DYNC2H1: variants seen among roughly 807,000 people sequenced by gnomAD.
DYNC2H1 encodes dynein cytoplasmic 2 heavy chain 1.
A neutral mutation model predicts 570.0 loss-of-function variants in DYNC2H1; 410 were observed. The ratio of observed to expected loss-of-function variants is 0.72; its 90% confidence interval spans 0.66 to 0.78. The LOEUF (loss-of-function observed/expected upper bound fraction) is 0.78, where lower values mean the gene tolerates loss of function less well. Ranked by LOEUF, DYNC2H1 falls within the 30% of genes least tolerant of loss-of-function variation. DYNC2H1 has a pLI of 0.00. For synonymous variants in DYNC2H1, 1,688 were observed against 1,677.6 expected (o/e 1.01, Z -0.15); for missense variants, 4,865 against 5,046.4 (o/e 0.96, Z 1.09).
chr11:103,314,007 A>G (rs3847578), intron 79 of DYNC2H1, among the ~76,000 whole-genome samples: 25,208 of 152,078 alleles, frequency 0.17, 2,277 homozygotes, highest in Admixed American at 0.25. Context: ...ATCCTGAAGG[A>G]TAGATGAACA....
At chr11:103,224,377 A>C (rs1287714019) in intron 59 of DYNC2H1, among the ~76,000 whole-genome samples, 1 of 148,126 alleles carries the variant, frequency 6.8e-6, no homozygotes, top group African/African-American at 2.5e-5. Context: ...CACTATACCC[A>C]ATGTGTAGTC....
intron 78 of DYNC2H1, among the ~76,000 whole-genome samples, chr11:103,310,526 G>C (rs536243779): frequency 1.3e-5 from 2 of 151,812 alleles, no homozygotes; most frequent in East Asian, 3.9e-4. Flanking sequence ...TGGTTGTTTG[G>C]TTTCCTATTA....
chr11:103,220,131 A>G, intron 56 of DYNC2H1, 103 bp downstream of exon 56: 1 of 622,154 alleles, frequency 1.6e-6, no homozygotes, highest in South Asian at 3.4e-5. Flanking sequence ...TCATAGTATT[A>G]TAAAATGTGG....
rs1412189681 is a variant in DYNC2H1 at position 103,249,081 on chromosome 11, C to T, written c.10042+3707C>T. On this transcript the variant is annotated intron_variant, in intron 65 of 88. Transcript: ENST00000375735. This position sits in a 1 kb window ranked among gnomAD's most constrained non-coding sequence, Gnocchi z 4.6. ...AAAGTAGTCAAAATTAACTGCATCA[C>T]AGGTTAATTCCAATGTAAATTAAGA... 1.3e-5 allele frequency among the ~76,000 whole-genome samples: 2 copies of T among 151,972 alleles called. No individual in the cohort carries two copies. Among genetic ancestry groups the T allele is most frequent in the African/African-American group, 2.4e-5 (1 of 41,410 alleles).
Position 103,244,894 on chromosome 11 carries a change from C to T in DYNC2H1, c.9919-357C>T, listed in dbSNP as rs1399841258. Among the ~76,000 whole-genome samples the T allele has an allele frequency of 6.6e-6, 1 of 151,100 alleles. No individual in the cohort carries two copies. The highest frequency in any genetic ancestry group is 1.5e-5 in the Non-Finnish European group (1 of 67,728). On this transcript the variant is annotated intron_variant, in intron 64 of 88. Coordinates refer to ENST00000375735, the MANE Select transcript of DYNC2H1 (RefSeq NM_001377.3). The surrounding 1 kb of genome is among the most constrained non-coding windows in gnomAD (Gnocchi z 4.3). ...TATACACACACATACCACACATACACACACACATACACACGCCTGGGGTGA... is the reference window on the plus strand; with the variant it reads ...TATACACACACATACCACACATACATACACACATACACACGCCTGGGGTGA...
chr11:103,302,018 C>T (rs981730655), intron 75 of DYNC2H1, among the ~76,000 whole-genome samples: 2 of 151,856 alleles, frequency 1.3e-5, no homozygotes, highest in Non-Finnish European at 2.9e-5. Context: ...TTGACATGAG[C>T]CTTTTCAGTT....
At chr11:103,437,144 A>G (rs969104272) in intron 85 of DYNC2H1, among the ~76,000 whole-genome samples, 1 of 152,118 alleles carries the variant, frequency 6.6e-6, no homozygotes, top group African/African-American at 2.4e-5. Context: ...TTAGCAGAGC[A>G]CCTTACGTTT....
intron 40 of DYNC2H1, among the ~76,000 whole-genome samples, chr11:103,183,010 TCTC>T (rs1395773314): frequency 6.6e-6 from 1 of 151,872 alleles, no homozygotes; most frequent in Non-Finnish European, 1.5e-5. Context: ...GACTGAGCTG[TCTC>T]CTCCTTTGTG....
chr11:103,463,888 T>G (rs1359939256), intron 87 of DYNC2H1, among the ~76,000 whole-genome samples: 3 of 152,174 alleles, frequency 2.0e-5, no homozygotes, highest in Non-Finnish European at 4.4e-5. Context: ...TCACTACCTA[T>G]CCACGAGATC....
chr11:103,304,997 G>A (rs941219203), intron 77 of DYNC2H1, among the ~76,000 whole-genome samples: 1 of 152,118 alleles, frequency 6.6e-6, no homozygotes, highest in Non-Finnish European at 1.5e-5. Context: ...TATACCATGA[G>A]TTTCTTTTTT....
intron 18 of DYNC2H1, among the ~76,000 whole-genome samples, chr11:103,143,874 C>T (rs988169231): frequency 6.6e-6 from 1 of 152,170 alleles, no homozygotes; most frequent in African/African-American, 2.4e-5. Context: ...AGAATATAGT[C>T]TCCTTGTATC....
chr11:103,151,132 C>T lies in DYNC2H1; in HGVS notation c.2947-1004C>T, dbSNP rs939582256. The stretch of plus-strand genomic sequence containing the variant: ...TACAGGCTAACTGGAGTTCCGTTCA[C>T]GTGTAGAAAATTAAAATCCTGAGGT... On this transcript the variant is annotated intron_variant, in intron 20 of 88. Transcript: ENST00000375735. The surrounding 1 kb of genome is among the most constrained non-coding windows in gnomAD (Gnocchi z 4.6). 1.3e-5 allele frequency among the ~76,000 whole-genome samples: 2 copies of T among 152,098 alleles called. No individual in the cohort carries two copies. The highest frequency in any genetic ancestry group is 6.5e-5 in the Admixed American group (1 of 15,268).
At position 103,156,554 on chromosome 11, in the gene DYNC2H1, A is replaced by G. The variant is rs770311559; in HGVS notation, c.3911A>G (p.Asp1304Gly). The G allele has an allele frequency of 6.2e-7, 1 of 1,613,754 alleles. No homozygotes were observed. Among genetic ancestry groups the G allele is most frequent in the Non-Finnish European group, 8.5e-7 (1 of 1,179,754 alleles). The change falls in exon 26 of 89, where the codon GAT (aspartate) becomes GGT (glycine). Residue 1304 changes from aspartate (D) to glycine (G), a missense_variant. Physicochemically the swap from Asp to Gly is moderately conservative, Grantham distance 94. Transcript: ENST00000375735. ...DWKDIVNQVGDNRCLLQSLKD... is the reference protein window; with the variant it reads ...DWKDIVNQVGGNRCLLQSLKD... The stretch of plus-strand genomic sequence containing the variant: ...AAAGATATAGTAAATCAGGTTGGAG[A>G]TAATAGATGCCTTCTCCAATCCTTA...
chr11:103,210,976 T>C (rs1314543893), intron 53 of DYNC2H1, among the ~76,000 whole-genome samples: 1 of 152,080 alleles, frequency 6.6e-6, no homozygotes, highest in Non-Finnish European at 1.5e-5. Flanking sequence ...ATATATCCCT[T>C]TCTTCAGTTA....
rs760508083 is a variant in DYNC2H1, at chr11:103,257,720, G to T, written c.10574G>T (p.Arg3525Leu). ...CGTTTTAGTTTGGCTGCTTTTCTCC[G>T]ACTTTTCCAACGAGCTCTACAAAAC... ...MYRFSLAAFL[R>L]LFQRALQNKQ... Residue 3525 changes from arginine (R) to leucine (L), a missense_variant, in exon 69 of 89, where the codon CGA (arginine) becomes CTA (leucine). Around this residue, in one of 5 missense-constraint regions of DYNC2H1, gnomAD observed 2,401 missense variants for 2,454.6 expected, o/e 0.98. Transcript: ENST00000375735. 3 of 1,603,628 alleles carry T rather than the reference G, an allele frequency of 1.9e-6. No homozygotes were observed. Among genetic ancestry groups the T allele is most frequent in the East Asian group, 2.2e-5 (1 of 44,554 alleles).
In DYNC2H1 at chr11:103,430,968, T is replaced by C. The variant is rs145409002; in HGVS notation, c.12367-4975T>C. On this transcript the variant is annotated intron_variant, in intron 84 of 88. Transcript: ENST00000375735. ...TGATTTCCCTTTCTATCATAAGCTT[T>C]TGTAGACAAGAATTGTGTTATGACT... is the stretch of plus-strand genomic sequence containing the variant. 5.3e-3 allele frequency among the ~76,000 whole-genome samples: 811 copies of C among 152,270 alleles called. 4 individuals carry two copies. The highest frequency in any genetic ancestry group is 0.011 in the South Asian group (54 of 4,830).
intron 83 of DYNC2H1, among the ~76,000 whole-genome samples, chr11:103,366,131 C>T (rs977545474): frequency 6.6e-5 from 10 of 152,200 alleles, no homozygotes; most frequent in African/African-American, 2.4e-4. Context: ...AGAAGTGATG[C>T]AACTCTGGGT....
At chr11:103,410,333 A>T (rs572626061) in intron 84 of DYNC2H1, among the ~76,000 whole-genome samples, 56 of 152,232 alleles carry the variant, frequency 3.7e-4, no homozygotes, top group Middle Eastern at 3.4e-3. Context: ...TTTTCTGGGT[A>T]TAGAAAATGT....
intron 83 of DYNC2H1, among the ~76,000 whole-genome samples, chr11:103,384,063 T>C (rs193077953): frequency 6.6e-5 from 10 of 152,224 alleles, no homozygotes; most frequent in Admixed American, 6.5e-5. Context: ...TGGCCCACTA[T>C]GCAATAACAT....
Sources: allele counts gnomAD v4.1 joint callset (sites outside exome capture counted in the v4.1 genomes callset), GRCh38; gene constraint gnomAD v4.1.1; regional missense constraint gnomAD v4.1.1; non-coding constraint Gnocchi (gnomAD v3.1); transcripts MANE v1.5; gene names NCBI Gene and HGNC (gene_info 2026-07-23, HGNC 2026-07-21).